The following AGAP1 variants were observed in gnomAD, a reference collection of about 807,000 sequenced individuals.
AGAP1 encodes ArfGAP with GTPase domain, ankyrin repeat and PH domain 1.
A neutral mutation model predicts 105.3 loss-of-function variants in AGAP1; 29 were observed. That is an observed-to-expected ratio of 0.28 (90% CI 0.21 to 0.38). The LOEUF is 0.38. AGAP1 is among the 10% of genes least tolerant of loss of function. The pLI is 1.00. For missense variants in AGAP1, 998 were observed against 1,165.1 expected (o/e 0.86, Z 2.09); for synonymous variants, 509 against 485.9 (o/e 1.05, Z -0.63).
At chr2:235,605,874 T>C (rs1039711575) in intron 1 of AGAP1, among the ~76,000 whole-genome samples, 2 of 152,184 alleles carry the variant, frequency 1.3e-5, no homozygotes, top group African/African-American at 2.4e-5. Flanking sequence ...ATGCACATCC[T>C]CCTCCCTTGG....
rs900644437 is a variant in AGAP1, at chr2:235,982,538, C to T, written c.1645+13915C>T. On this transcript the variant is annotated intron_variant, in intron 13 of 17. Coordinates refer to ENST00000304032, the MANE Select transcript of AGAP1 (RefSeq NM_001037131.3). This position sits in a 1 kb window ranked among gnomAD's most constrained non-coding sequence, Gnocchi z 4.9. ...AAAGTAACCTGTATTATCATTGGTT[C>T]TAGGGGACTACTGAAGATAAGAATT... Among the ~76,000 whole-genome samples, 1 of 152,158 alleles carries T rather than the reference C, an allele frequency of 6.6e-6. No homozygotes were observed. The highest frequency in any genetic ancestry group is 1.5e-5 in the Non-Finnish European group (1 of 68,038).
rs575986854 is a variant in AGAP1, at chr2:235,524,300, T to C, written c.163+29451T>C. 4.2e-5 allele frequency: 7 copies of C among 168,182 alleles called. No homozygotes were observed. In the South Asian group the frequency reaches 1.3e-3, roughly 32 times the overall value. 10.4% of individuals were successfully genotyped at this position (168,182 alleles called of 1,614,324 possible). A position where few individuals can be genotyped will look rare whatever the true frequency, so the allele number is the denominator to read the frequency against. ...ACAGCATGGTCCACTGTGGCCCAGA[T>C]GTAACTTTTAGTCCTGCCTTCTTAT... On this transcript the variant is annotated intron_variant, in intron 1 of 17. Transcript: ENST00000304032.
Position 235,957,441 on chromosome 2 carries a change from C to G in AGAP1, c.1484-11021C>G, listed in dbSNP as rs1187633529. Among the ~76,000 whole-genome samples the G allele has an allele frequency of 2.0e-5, 3 of 152,154 alleles. No homozygotes were observed. The highest frequency in any genetic ancestry group is 6.5e-5 in the Admixed American group (1 of 15,276). ...CGCCAACACCTGTCATCTTCCTGGG[C>G]CCCCTGCCGTGTCCCCGCTGCCCCT... is the stretch of plus-strand genomic sequence containing the variant. On this transcript the variant is annotated intron_variant, in intron 12 of 17. Coordinates refer to ENST00000304032, the MANE Select transcript of AGAP1 (RefSeq NM_001037131.3). The surrounding 1 kb of genome is among the most constrained non-coding windows in gnomAD (Gnocchi z 4.6).
rs951154150 is a variant in AGAP1, at chr2:235,981,183, G to A, written c.1645+12560G>A. The stretch of plus-strand genomic sequence containing the variant: ...GCCAACACATGCTGCCTCGGGGCCT[G>A]TGGTCACTAAGCTTATATGAGGGAC... On this transcript the variant is annotated intron_variant, in intron 13 of 17. Coordinates refer to ENST00000304032, the MANE Select transcript of AGAP1 (RefSeq NM_001037131.3). This position sits in a 1 kb window ranked among gnomAD's most constrained non-coding sequence, Gnocchi z 5.5. Among the ~76,000 whole-genome samples, 1 of 152,186 alleles carries A rather than the reference G, an allele frequency of 6.6e-6. No homozygotes were observed. The highest frequency in any genetic ancestry group is 2.4e-5 in the African/African-American group (1 of 41,448).
chr2:236,007,174 C>G (rs2056349948), intron 13 of AGAP1, among the ~76,000 whole-genome samples: 1 of 152,216 alleles, frequency 6.6e-6, no homozygotes, highest in Admixed American at 6.5e-5. Context: ...GCTTGATTGA[C>G]TGAATAAATG....
At chr2:235,730,739 T>C (rs923076177) in intron 3 of AGAP1, among the ~76,000 whole-genome samples, 1 of 152,208 alleles carries the variant, frequency 6.6e-6, no homozygotes, top group Non-Finnish European at 1.5e-5. Context: ...TAGTTGACCA[T>C]GCAGGCTATT....
intron 1 of AGAP1, among the ~76,000 whole-genome samples, chr2:235,702,934 G>GTGTTTTTTTTTTTTTTTTTTTTTTTTT (rs1553609552): frequency 5.6e-4 from 50 of 88,956 alleles, no homozygotes; most frequent in South Asian, 1.3e-3. Flanking sequence ...AGTTTTCTTG[G>GTGTTTTTTTTTTTTTTTTTTTTTTTTT]TTTTTTTTTT....
At chr2:236,110,189 G>A (rs1247466702) in intron 16 of AGAP1, among the ~76,000 whole-genome samples, 1 of 152,126 alleles carries the variant, frequency 6.6e-6, no homozygotes, top group Non-Finnish European at 1.5e-5. Flanking sequence ...ATTAAACCAG[G>A]TAATTGTGTA....
At chr2:235,834,845 A>G (rs1343149578) in intron 9 of AGAP1, among the ~76,000 whole-genome samples, 1 of 152,156 alleles carries the variant, frequency 6.6e-6, no homozygotes, top group Non-Finnish European at 1.5e-5. Flanking sequence ...GCTCGGGTCT[A>G]GTGGTGGAGG....
chr2:236,057,906 G>GTC (rs1324586318), intron 16 of AGAP1, among the ~76,000 whole-genome samples: 1 of 152,152 alleles, frequency 6.6e-6, no homozygotes, highest in Non-Finnish European at 1.5e-5. Context: ...TGAGGCCTGG[G>GTC]TCATGCATAC....
At chr2:235,694,540 C>T (rs1052925386) in intron 1 of AGAP1, among the ~76,000 whole-genome samples, 4 of 150,144 alleles carry the variant, frequency 2.7e-5, no homozygotes, top group African/African-American at 7.4e-5. Flanking sequence ...CACAGCTCCT[C>T]GGGAGGCTGA....
chr2:235,824,853 C>T lies in AGAP1; in HGVS notation c.1050+17522C>T, dbSNP rs1464631647. Among the ~76,000 whole-genome samples the T allele has an allele frequency of 1.3e-5, 2 of 152,140 alleles. No individual in the cohort carries two copies. Among genetic ancestry groups the T allele is most frequent in the Non-Finnish European group, 2.9e-5 (2 of 68,046 alleles). On this transcript the variant is annotated intron_variant, in intron 9 of 17. Coordinates refer to ENST00000304032, the MANE Select transcript of AGAP1 (RefSeq NM_001037131.3). This position sits in a 1 kb window ranked among gnomAD's most constrained non-coding sequence, Gnocchi z 5.2. The stretch of plus-strand genomic sequence containing the variant: ...CCCATCAAGGTAACCGGTGCATTCA[C>T]GGGTTTGGATAATTTCAGGAAAAGG...
At chr2:235,781,712 T>C (rs1038316633) in intron 6 of AGAP1, among the ~76,000 whole-genome samples, 1 of 152,192 alleles carries the variant, frequency 6.6e-6, no homozygotes, top group Non-Finnish European at 1.5e-5. Context: ...CAGTGGGCTC[T>C]GGAAGGGTAA....
intron 9 of AGAP1, among the ~76,000 whole-genome samples, chr2:235,831,906 T>C (rs1358871909): frequency 6.6e-6 from 1 of 152,248 alleles, no homozygotes; most frequent in African/African-American, 2.4e-5. Context: ...CCAGAGTAGC[T>C]GTACCACTTT....
intron 8 of AGAP1, among the ~76,000 whole-genome samples, chr2:235,803,001 A>ATGC (rs1957623073): frequency 1.9e-5 from 1 of 53,984 alleles, no homozygotes; most frequent in African/African-American, 5.3e-5. Context: ...GATGGTGGTG[A>ATGC]TGGTTGTGGT....
At position 236,123,704 on chromosome 2, in the gene AGAP1, G is replaced by GA. The variant is rs72025139; in HGVS notation, c.2371-206dup. On this transcript the variant is annotated intron_variant, in intron 17 of 17. Coordinates refer to ENST00000304032, the MANE Select transcript of AGAP1 (RefSeq NM_001037131.3). The surrounding 1 kb of genome is among the most constrained non-coding windows in gnomAD (Gnocchi z 4.6). ...TTGCACAAAGGAGGGGCTTTCAGTT[G>GA]AAAAAAAAAGACATGTTCTTTCCTT... is the stretch of plus-strand genomic sequence containing the variant. Among the ~76,000 whole-genome samples, 11 of 122,132 alleles carry GA rather than the reference G, an allele frequency of 9.0e-5. No individual in the cohort carries two copies. The highest frequency in any genetic ancestry group is 1.9e-4 in the East Asian group (1 of 5,144). The allele number at this position is 122,132 out of a possible 152,430, so 80.1% of individuals were successfully genotyped here.
intron 6 of AGAP1, among the ~76,000 whole-genome samples, chr2:235,760,374 G>A (rs554301511): frequency 2.6e-5 from 4 of 152,290 alleles, no homozygotes; most frequent in South Asian, 2.1e-4. Flanking sequence ...GCGAGACTCC[G>A]TCTCAAAAAA....
intron 1 of AGAP1, among the ~76,000 whole-genome samples, chr2:235,588,207 T>A (rs1574910797): frequency 6.8e-6 from 1 of 146,814 alleles, no homozygotes; most frequent in Non-Finnish European, 1.5e-5. Flanking sequence ...TCAGCCTGGG[T>A]GACAGAGTGA....
At chr2:236,085,082 G>A (rs1254416312) in intron 16 of AGAP1, among the ~76,000 whole-genome samples, 1 of 151,602 alleles carries the variant, frequency 6.6e-6, no homozygotes, top group Admixed American at 6.6e-5. Context: ...CGGGTGTGGT[G>A]GTGTGCGCCT....
Sources: allele counts gnomAD v4.1 joint callset (sites outside exome capture counted in the v4.1 genomes callset), GRCh38; gene constraint gnomAD v4.1.1; non-coding constraint Gnocchi (gnomAD v3.1); transcripts MANE v1.5; gene names NCBI Gene and HGNC (gene_info 2026-07-23, HGNC 2026-07-21).